Variants in NKAIN2 observed in about 807,000 individuals in gnomAD.
NKAIN2 encodes sodium/potassium transporting ATPase interacting 2.
A neutral mutation model predicts 32.6 loss-of-function variants in NKAIN2; 14 were observed. That is an observed-to-expected ratio of 0.43 (90% CI 0.28 to 0.67). NKAIN2 has a LOEUF of 0.67. NKAIN2 is among the 30% of genes least tolerant of loss of function. NKAIN2 has a pLI of 0.17. For missense variants in NKAIN2, 198 were observed against 258.3 expected (o/e 0.77, Z 1.60); for synonymous variants, 80 against 87.2 (o/e 0.92, Z 0.46).
At chr6:124,719,121 A>G (rs375638836) in intron 4 of NKAIN2, among the ~76,000 whole-genome samples, 1 of 152,214 alleles carries the variant, frequency 6.6e-6, no homozygotes, top group Non-Finnish European at 1.5e-5. Context: ...ATCATCTATC[A>G]TTAGTCAAAT....
chr6:123,819,694 C>T (rs1405871084), intron 1 of NKAIN2, among the ~76,000 whole-genome samples: 3 of 152,110 alleles, frequency 2.0e-5, no homozygotes, highest in Non-Finnish European at 4.4e-5. Context: ...CCCATACCAG[C>T]AGGGTAATTA....
chr6:124,048,336 T>A (rs1230273384), intron 1 of NKAIN2, among the ~76,000 whole-genome samples: 1 of 151,992 alleles, frequency 6.6e-6, no homozygotes, highest in Non-Finnish European at 1.5e-5. Context: ...AATCATTATA[T>A]GGGTGGATAG....
At chr6:124,600,766 C>CA (rs2114979986) in intron 3 of NKAIN2, among the ~76,000 whole-genome samples, 2 of 152,148 alleles carry the variant, frequency 1.3e-5, no homozygotes, top group Non-Finnish European at 2.9e-5. Context: ...GGAAAACAAA[C>CA]ATTTTTATGG....
At chr6:123,907,461 C>T (rs1371097298) in intron 1 of NKAIN2, among the ~76,000 whole-genome samples, 1 of 151,908 alleles carries the variant, frequency 6.6e-6, no homozygotes, top group Non-Finnish European at 1.5e-5. Flanking sequence ...GAAATTGGGG[C>T]TCAAATAAGT....
At chr6:124,553,896 G>A (rs1405247155) in intron 3 of NKAIN2, among the ~76,000 whole-genome samples, 1 of 152,098 alleles carries the variant, frequency 6.6e-6, no homozygotes, top group African/African-American at 2.4e-5. Context: ...ATCACCCGAA[G>A]CCCATCTTCT....
At chr6:123,991,524 A>G (rs1256122205) in intron 1 of NKAIN2, among the ~76,000 whole-genome samples, 2 of 152,124 alleles carry the variant, frequency 1.3e-5, no homozygotes. Context: ...ATACTTAGCA[A>G]TTTAGTAAAG....
intron 3 of NKAIN2, among the ~76,000 whole-genome samples, chr6:124,564,742 T>C (rs932151142): frequency 2.6e-5 from 4 of 152,190 alleles, no homozygotes; most frequent in Non-Finnish European, 4.4e-5. Flanking sequence ...AAGAGGATGA[T>C]TGCACAAGTT....
intron 3 of NKAIN2, among the ~76,000 whole-genome samples, chr6:124,526,074 G>T (rs1347580943): frequency 1.3e-5 from 2 of 152,146 alleles, no homozygotes; most frequent in Non-Finnish European, 2.9e-5. Flanking sequence ...GGAGGGCAAT[G>T]CATATGAAGT....
At chr6:124,159,789 AG>A (rs1405571752) in intron 1 of NKAIN2, among the ~76,000 whole-genome samples, 1 of 152,192 alleles carries the variant, frequency 6.6e-6, no homozygotes, top group Non-Finnish European at 1.5e-5. Flanking sequence ...GCCAAATGCC[AG>A]TTATGTAGAT....
chr6:124,097,309 C>T (rs560227049), intron 1 of NKAIN2, among the ~76,000 whole-genome samples: 4 of 150,610 alleles, frequency 2.7e-5, no homozygotes, highest in Non-Finnish European at 5.9e-5. Flanking sequence ...CTGAATGAAG[C>T]GGGAGAATCG....
intron 1 of NKAIN2, among the ~76,000 whole-genome samples, chr6:124,200,355 G>A (rs1790536192): frequency 1.3e-5 from 2 of 152,224 alleles, no homozygotes; most frequent in East Asian, 1.9e-4. Flanking sequence ...GTCTATATGG[G>A]ATAAGGAGTA....
intron 1 of NKAIN2, among the ~76,000 whole-genome samples, chr6:123,837,229 A>G (rs1415223268): frequency 6.6e-6 from 1 of 151,354 alleles, no homozygotes; most frequent in Non-Finnish European, 1.5e-5. Flanking sequence ...TTTTTCATTT[A>G]GAAATGTGTT....
chr6:124,600,884 T>C (rs1348715465), intron 3 of NKAIN2, among the ~76,000 whole-genome samples: 1 of 152,036 alleles, frequency 6.6e-6, no homozygotes. Context: ...TCTCGATTTT[T>C]TAAAAAAGAA....
Position 124,530,776 on chromosome 6 carries a change from G to A in NKAIN2, c.274-127410G>A, listed in dbSNP as rs117925032. ...CGAAGTCTGAGAATAGGGATTGGTG[G>A]GGGTAGGGCAGGTCGCTGTTATAAT... On this transcript the variant is annotated intron_variant, in intron 3 of 6. Transcript: ENST00000368417. Among the ~76,000 whole-genome samples, 52 of 152,240 alleles carry A rather than the reference G, an allele frequency of 3.4e-4. No homozygotes were observed. In the East Asian group the frequency reaches 8.9e-3, roughly 26 times the overall value.
intron 3 of NKAIN2, among the ~76,000 whole-genome samples, chr6:124,461,112 C>T (rs1483254895): frequency 2.0e-5 from 3 of 151,796 alleles, no homozygotes; most frequent in African/African-American, 7.2e-5. Flanking sequence ...AAAGTTTTGA[C>T]ACAAAATGTG....
intron 2 of NKAIN2, among the ~76,000 whole-genome samples, chr6:124,311,076 C>T (rs890563911): frequency 3.9e-5 from 6 of 152,058 alleles, no homozygotes; most frequent in African/African-American, 1.4e-4. Context: ...AGTTTGAACA[C>T]CTGATTTCCC....
At chr6:123,938,890 A>G (rs2114546834) in intron 1 of NKAIN2, among the ~76,000 whole-genome samples, 1 of 151,968 alleles carries the variant, frequency 6.6e-6, no homozygotes, top group South Asian at 2.1e-4. Context: ...AGCAACAGTC[A>G]TTAATCTTGC....
At chr6:124,043,133 G>A (rs1224488428) in intron 1 of NKAIN2, among the ~76,000 whole-genome samples, 2 of 151,972 alleles carry the variant, frequency 1.3e-5, no homozygotes, top group Non-Finnish European at 2.9e-5. Context: ...CGAGGTGGGC[G>A]GATCATTTGA....
At chr6:124,412,061 T>C (rs528383126) in intron 3 of NKAIN2, among the ~76,000 whole-genome samples, 1 of 152,076 alleles carries the variant, frequency 6.6e-6, no homozygotes, top group Admixed American at 6.5e-5. Flanking sequence ...TCTGCATTGG[T>C]TATTCTATTT....
Sources: gnomAD v4.1 joint callset for allele counts (sites outside exome capture counted in the v4.1 genomes callset) on GRCh38, gnomAD v4.1.1 for gene constraint, MANE v1.5 for transcripts, NCBI Gene and HGNC (gene_info 2026-07-23, HGNC 2026-07-21) for gene names.